Variants in SNAP91 observed in about 807,000 individuals in gnomAD.
The protein encoded by SNAP91 is synaptosome associated protein 91.
Under a neutral mutation model 100.3 loss-of-function variants are expected in SNAP91, and 27 were observed. The observed-to-expected ratio is 0.27, with a 90% CI of 0.20 to 0.37. The LOEUF is 0.37. SNAP91 is among the 10% of genes least tolerant of loss of function. The pLI is 1.00. For synonymous variants in SNAP91, 404 were observed against 398.6 expected, an observed-to-expected ratio of 1.01 and a Z score of -0.16; for missense variants, 986 against 1,123.7, an observed-to-expected ratio of 0.88 and a Z score of 1.75.
At chr6:83,647,975 C>G (rs1188627036) in intron 7 of SNAP91, among the ~76,000 whole-genome samples, 1 of 152,132 alleles carries the variant, frequency 6.6e-6, no homozygotes, top group Non-Finnish European at 1.5e-5. Context: ...AAAGTCACCT[C>G]TTAAAAGTTT....
Position 83,641,231 on chromosome 6 carries a change from G to T in SNAP91, c.659-29C>A, listed in dbSNP as rs746775024. 3.9e-6 allele frequency: 4 copies of T among 1,013,538 alleles called. No individual in the cohort carries two copies. The South Asian group carries it at 6.6e-5, about 17-fold the overall frequency. 62.8% of individuals were successfully genotyped at this position (1,013,538 alleles called of 1,614,324 possible). A position where few individuals can be genotyped will look rare whatever the true frequency, so the allele number is the denominator to read the frequency against. The stretch of plus-strand genomic sequence containing the variant: ...GAGAAGATAAAGAGATAAGCAATTT[G>T]AAAAGAGTATTATGTTCTATTTTTT... On this transcript the variant is annotated intron_variant, in intron 7 of 29. Coordinates refer to ENST00000369694, the MANE Select transcript of SNAP91 (RefSeq NM_001242792.2).
chr6:83,640,958 A>C (rs963244938), intron 8 of SNAP91, 138 bp downstream of exon 8: 1 of 480,744 alleles, frequency 2.1e-6, no homozygotes, highest in Non-Finnish European at 3.6e-6. Context: ...GTCACTTCCA[A>C]CCTTAATATA....
At chr6:83,624,516 A>G (rs931001183) in intron 8 of SNAP91, among the ~76,000 whole-genome samples, 10 of 152,106 alleles carry the variant, frequency 6.6e-5, no homozygotes, top group African/African-American at 2.4e-4. Flanking sequence ...CAGAAAATCC[A>G]TTTGTGTGTC....
chr6:83,592,533 C>A lies in SNAP91; in HGVS notation c.1852G>T (p.Ala618Ser), dbSNP rs376960586. Residue 618 changes from alanine to serine, a missense_variant, in exon 21 of 30, where the codon GCA becomes TCA. Ala to Ser is a moderately conservative substitution (Grantham distance 99). Transcript: ENST00000369694. ...SLTADLLSVD[A>S]FAAPSPATTA... ...GTTGCAGGAGATGGTGCTGCAAATG[C>A]ATCCACTGCAGTGAAGCACAGACAG... 1.9e-5 allele frequency: 31 copies of A among 1,606,534 alleles called. No individual in the cohort carries two copies. The highest frequency in any genetic ancestry group is 2.5e-5 in the Non-Finnish European group (30 of 1,176,500).
At chr6:83,681,510 C>T (rs1291863897) in intron 2 of SNAP91, among the ~76,000 whole-genome samples, 1 of 151,728 alleles carries the variant, frequency 6.6e-6, no homozygotes, top group Non-Finnish European at 1.5e-5. Flanking sequence ...GGTACATATA[C>T]AAAAATCCAC....
At chr6:83,689,319 C>T (rs2099102691) in intron 2 of SNAP91, among the ~76,000 whole-genome samples, 1 of 152,168 alleles carries the variant, frequency 6.6e-6, no homozygotes, top group South Asian at 2.1e-4. Flanking sequence ...GCACAGTTTT[C>T]AAACTGTCAT....
intron 22 of SNAP91, 136 bp from the exon 23 acceptor site, chr6:83,582,492 G>T: frequency 2.3e-6 from 2 of 868,516 alleles, no homozygotes; most frequent in Non-Finnish European, 3.3e-6. Flanking sequence ...AAACAGAGAA[G>T]CTCATTTCTG....
At chr6:83,599,838 T>C (rs1437150694) in intron 16 of SNAP91, among the ~76,000 whole-genome samples, 2 of 152,174 alleles carry the variant, frequency 1.3e-5, no homozygotes, top group Non-Finnish European at 2.9e-5. Flanking sequence ...TAGGCTAAAG[T>C]GCAGTGGCGT....
At chr6:83,700,739 C>T (rs570718776) in intron 2 of SNAP91, among the ~76,000 whole-genome samples, 11 of 152,030 alleles carry the variant, frequency 7.2e-5, no homozygotes, top group African/African-American at 2.7e-4. Flanking sequence ...TAGCTGGGAC[C>T]ATGGGTACAC....
At chr6:83,634,913 G>A (rs1346326722) in intron 8 of SNAP91, among the ~76,000 whole-genome samples, 2 of 152,156 alleles carry the variant, frequency 1.3e-5, no homozygotes, top group Admixed American at 6.5e-5. Flanking sequence ...AGTCATTCAG[G>A]AACAAGTTGT....
chr6:83,604,392 T>C (rs1377631159), intron 14 of SNAP91, among the ~76,000 whole-genome samples: 1 of 152,158 alleles, frequency 6.6e-6, no homozygotes, highest in African/African-American at 2.4e-5. Flanking sequence ...CATTTCAATA[T>C]AGGATAAGGT....
chr6:83,636,898 G>A (rs1041875346), intron 8 of SNAP91, among the ~76,000 whole-genome samples: 2 of 152,022 alleles, frequency 1.3e-5, no homozygotes, highest in South Asian at 2.1e-4. Context: ...ATAGTTGATC[G>A]GTTTCGTTTC....
At chr6:83,606,150 G>A (rs991164640) in intron 13 of SNAP91, among the ~76,000 whole-genome samples, 6 of 152,256 alleles carry the variant, frequency 3.9e-5, no homozygotes, top group Admixed American at 3.9e-4. Context: ...GGCTGGAGTT[G>A]ATCTATGTGC....
At chr6:83,686,078 A>G in intron 2 of SNAP91, 1 of 764,010 alleles carries the variant, frequency 1.3e-6, no homozygotes, top group Non-Finnish European at 1.6e-6. Flanking sequence ...GATGCACAGT[A>G]GACACTGATT....
intron 20 of SNAP91, 30 bp downstream of exon 20, chr6:83,592,916 C>G: frequency 6.6e-7 from 1 of 1,523,490 alleles, no homozygotes; most frequent in Non-Finnish European, 8.9e-7. Flanking sequence ...CAAGACATCT[C>G]TGAAGTCCTG....
chr6:83,613,788 G>A (rs1017454293), intron 11 of SNAP91, among the ~76,000 whole-genome samples: 6 of 152,112 alleles, frequency 3.9e-5, no homozygotes, highest in Non-Finnish European at 8.8e-5. Context: ...CCTAATGTTA[G>A]TCATTGCCCT....
chr6:83,568,360 G>T (rs960248185), intron 26 of SNAP91, among the ~76,000 whole-genome samples: 60 of 152,134 alleles, frequency 3.9e-4, no homozygotes, highest in African/African-American at 1.4e-3. Context: ...TGGGGGGAGT[G>T]GGGAGGGATA....
chr6:83,627,593 T>C (rs781350270), intron 8 of SNAP91, among the ~76,000 whole-genome samples: 6 of 152,060 alleles, frequency 3.9e-5, no homozygotes, highest in Non-Finnish European at 5.9e-5. Flanking sequence ...GTTGTGTGTT[T>C]CCAGAAATTT....
At chr6:83,587,281 G>C (rs536006927) in intron 22 of SNAP91, among the ~76,000 whole-genome samples, 36 of 152,164 alleles carry the variant, frequency 2.4e-4, no homozygotes, top group African/African-American at 8.7e-4. Context: ...TTAGGCATGG[G>C]GTAAGAGTCC....
Sources: gnomAD v4.1 joint callset for allele counts (sites outside exome capture counted in the v4.1 genomes callset) on GRCh38, gnomAD v4.1.1 for gene constraint, MANE v1.5 for transcripts, NCBI Gene and HGNC (gene_info 2026-07-23, HGNC 2026-07-21) for gene names.